Variants in NALF1 observed in about 807,000 individuals in gnomAD.
NALF1 encodes family with sequence similarity 155 member A.
In NALF1, 3 loss-of-function variants were observed where a neutral mutation model predicts 48.4. That is an observed-to-expected ratio of 0.06 (90% confidence interval 0.03 to 0.16). The LOEUF (loss-of-function observed/expected upper bound fraction) is 0.16. NALF1 is among the 10% of genes least tolerant of loss of function. NALF1 has a pLI of 1.00. For synonymous variants in NALF1, 262 were observed against 245.7 expected (o/e 1.07, Z -0.62); for missense variants, 526 against 571.5 (o/e 0.92, Z 0.81).
intron 1 of NALF1, among the ~76,000 whole-genome samples, chr13:107,428,039 A>C (rs1884309188): frequency 1.3e-5 from 2 of 152,182 alleles, no homozygotes; most frequent in African/African-American, 4.8e-5. Flanking sequence ...TTTTGAGGGA[A>C]GAAGCAATTG....
chr13:107,652,066 TATG>T (rs1200251765), intron 1 of NALF1, among the ~76,000 whole-genome samples: 1 of 152,186 alleles, frequency 6.6e-6, no homozygotes, highest in East Asian at 1.9e-4. Flanking sequence ...AGAAAATACT[TATG>T]ATGCAGAACT....
chr13:107,599,595 A>G (rs924781061), intron 1 of NALF1, among the ~76,000 whole-genome samples: 1 of 152,120 alleles, frequency 6.6e-6, no homozygotes, highest in Non-Finnish European at 1.5e-5. Flanking sequence ...ATTTTTGTAA[A>G]TCTAATGAGC....
At chr13:107,177,668 G>A (rs1166431473) in intron 2 of NALF1, among the ~76,000 whole-genome samples, 1 of 152,168 alleles carries the variant, frequency 6.6e-6, no homozygotes, top group East Asian at 1.9e-4. Context: ...TCAATAAATG[G>A]TGCCAGGAAA....
chr13:107,580,320 T>C (rs1878269568), intron 1 of NALF1, among the ~76,000 whole-genome samples: 1 of 152,156 alleles, frequency 6.6e-6, no homozygotes, highest in Non-Finnish European at 1.5e-5. Context: ...ACTCCATTAA[T>C]GTCTTCCTTT....
At chr13:107,762,989 C>T (rs1877309407) in intron 1 of NALF1, among the ~76,000 whole-genome samples, 1 of 151,546 alleles carries the variant, frequency 6.6e-6, no homozygotes, top group South Asian at 2.1e-4. Context: ...CCTCTGGACA[C>T]CAGCTTTTGT....
chr13:107,489,124 G>A (rs1239559555), intron 1 of NALF1, among the ~76,000 whole-genome samples: 2 of 151,992 alleles, frequency 1.3e-5, no homozygotes, highest in African/African-American at 4.8e-5. Flanking sequence ...AATCTGAGAT[G>A]AGATGACACA....
chr13:107,256,766 A>T (rs528725207), intron 1 of NALF1, among the ~76,000 whole-genome samples: 1 of 152,210 alleles, frequency 6.6e-6, no homozygotes, highest in African/African-American at 2.4e-5. Flanking sequence ...AGGAGTTTGC[A>T]AGAATCAGCA....
intron 1 of NALF1, among the ~76,000 whole-genome samples, chr13:107,808,355 T>C (rs941487725): frequency 3.3e-5 from 5 of 152,150 alleles, no homozygotes; most frequent in African/African-American, 9.7e-5. Context: ...GATTCTTCCA[T>C]ATGAAAGGAA....
At chr13:107,548,605 C>A (rs1877202438) in intron 1 of NALF1, among the ~76,000 whole-genome samples, 1 of 152,010 alleles carries the variant, frequency 6.6e-6, no homozygotes, top group East Asian at 1.9e-4. Flanking sequence ...TGTCCTTCCT[C>A]CCCCTCCACA....
At position 107,778,585 on chromosome 13, in the gene NALF1, TG is replaced by T. The variant is rs542523047; in HGVS notation, c.915+87096del. On this transcript the variant is annotated intron_variant, in intron 1 of 2. Coordinates refer to ENST00000375915, the MANE Select transcript of NALF1 (RefSeq NM_001080396.3). Reference sequence around the variant, plus strand: ...TTCAGGCTAGGATTAAAACAGGAGTTGTTTTTTTTCTGTTTTTTTGTTTGTT... The same window carrying T: ...TTCAGGCTAGGATTAAAACAGGAGTTTTTTTTTTCTGTTTTTTTGTTTGTT... Among the ~76,000 whole-genome samples the T allele has an allele frequency of 1.8e-3, 278 of 152,174 alleles. 1 individual carries two copies. The highest frequency in any genetic ancestry group is 3.4e-3 in the Middle Eastern group (1 of 294).
At chr13:107,341,625 T>C (rs1882682965) in intron 1 of NALF1, among the ~76,000 whole-genome samples, 1 of 151,400 alleles carries the variant, frequency 6.6e-6, no homozygotes, top group South Asian at 2.1e-4. Context: ...ATTGTACATA[T>C]ATTATATATA....
intron 2 of NALF1, among the ~76,000 whole-genome samples, chr13:107,174,119 T>G (rs746440150): frequency 3.3e-5 from 5 of 152,122 alleles, no homozygotes; most frequent in Admixed American, 6.5e-5. Flanking sequence ...GTACGCTTAT[T>G]TGTTGTGTTT....
chr13:107,179,871 C>T (rs1348744501), intron 2 of NALF1, among the ~76,000 whole-genome samples: 3 of 144,684 alleles, frequency 2.1e-5, no homozygotes, highest in Non-Finnish European at 4.5e-5. Flanking sequence ...GCTTCTGTCC[C>T]CACGTGGCCT....
In NALF1 at chr13:107,612,382, T is replaced by C. The variant is rs2391461; in HGVS notation, c.915+253300A>G. On this transcript the variant is annotated intron_variant, in intron 1 of 2. Transcript: ENST00000375915. ...GCATATAGTTACCAATACTGCAATA[T>C]ACATTTAAATGTGATTGGGGGTGTG... Among the ~76,000 whole-genome samples the C allele has an allele frequency of 0.02, 3,114 of 152,158 alleles. 211 individuals carry two copies. The East Asian group carries it at 0.26, about 13-fold the overall frequency.
intron 1 of NALF1, among the ~76,000 whole-genome samples, chr13:107,680,341 A>G (rs4083988): frequency 0.5 from 76,645 of 152,064 alleles, 20,608 homozygotes; most frequent in Middle Eastern, 0.64. Flanking sequence ...AAGAACAAGC[A>G]TTCTCTGGGT....
chr13:107,528,630 C>A (rs1876522042), intron 1 of NALF1, among the ~76,000 whole-genome samples: 1 of 152,078 alleles, frequency 6.6e-6, no homozygotes, highest in African/African-American at 2.4e-5. Context: ...GTGCGCAAGC[C>A]AGAACTGAGA....
intron 1 of NALF1, among the ~76,000 whole-genome samples, chr13:107,310,671 TTTA>T (rs533798801): frequency 7.7e-4 from 117 of 151,460 alleles, no homozygotes; most frequent in Middle Eastern, 3.4e-3. Flanking sequence ...AATACAATTA[TTTA>T]TTATTATTAT....
intron 1 of NALF1, among the ~76,000 whole-genome samples, chr13:107,517,366 C>A (rs956913115): frequency 4.6e-5 from 7 of 152,156 alleles, no homozygotes; most frequent in Admixed American, 3.9e-4. Context: ...CACAGTGGCT[C>A]ATGCCTATAA....
chr13:107,181,962 A>G (rs1224024143), intron 2 of NALF1, among the ~76,000 whole-genome samples: 1 of 151,990 alleles, frequency 6.6e-6, no homozygotes, highest in African/African-American at 2.4e-5. Flanking sequence ...CTTGTCTGAT[A>G]TATCTTTGTC....
Sources: allele counts gnomAD v4.1 joint callset (sites outside exome capture counted in the v4.1 genomes callset), GRCh38; gene constraint gnomAD v4.1.1; transcripts MANE v1.5; gene names NCBI Gene and HGNC (gene_info 2026-07-23, HGNC 2026-07-21).